Variants in PPARGC1A observed in about 807,000 individuals in gnomAD.
The protein encoded by PPARGC1A is PPARG coactivator 1 alpha, also known as peroxisome proliferator-activated receptor gamma coactivator 1-alpha.
PPARGC1A carries 25 observed loss-of-function variants against 88.7 expected under a neutral mutation model. That is an observed-to-expected ratio of 0.28 (90% CI 0.21 to 0.39). The LOEUF is 0.39. PPARGC1A is among the 10% of genes least tolerant of loss of function. The pLI, the probability that PPARGC1A is intolerant of heterozygous loss-of-function variation, is 1.00. For missense variants in PPARGC1A, 880 were observed against 968.7 expected (o/e 0.91, Z 1.22); for synonymous variants, 363 against 355.6 (o/e 1.02, Z -0.24).
chr4:24,445,048 GTC>G, the PPARGC1A span, among the ~76,000 whole-genome samples: 2 of 151,618 alleles, frequency 1.3e-5, no homozygotes, highest in African/African-American at 4.8e-5. Context: ...GCAAGACCCT[GTC>G]TCAAAAAAAA....
At chr4:24,454,855 C>A in the PPARGC1A span, among the ~76,000 whole-genome samples, 1 of 151,722 alleles carries the variant, frequency 6.6e-6, no homozygotes, top group Admixed American at 6.6e-5. Context: ...AAATACAAAT[C>A]TGAAAGATAG....
At chr4:23,916,134 C>A in the PPARGC1A span, among the ~76,000 whole-genome samples, 1 of 152,134 alleles carries the variant, frequency 6.6e-6, no homozygotes, top group East Asian at 1.9e-4. Context: ...AGTAAATCAA[C>A]TATATAAGGC....
At chr4:24,203,855 A>T in the PPARGC1A span, among the ~76,000 whole-genome samples, 2 of 152,140 alleles carry the variant, frequency 1.3e-5, no homozygotes, top group Non-Finnish European at 2.9e-5. Flanking sequence ...AGTGGACTTG[A>T]CTCTATGCCT....
chr4:24,414,529 A>G, the PPARGC1A span, among the ~76,000 whole-genome samples: 1 of 152,242 alleles, frequency 6.6e-6, no homozygotes, highest in South Asian at 2.1e-4. Context: ...AAATTATATG[A>G]TCACCCTAGT....
the PPARGC1A span, among the ~76,000 whole-genome samples, chr4:24,366,780 C>G: frequency 6.6e-6 from 1 of 152,154 alleles, no homozygotes; most frequent in East Asian, 1.9e-4. Context: ...CTAACACGGG[C>G]AGCCCTTCTT....
the PPARGC1A span, among the ~76,000 whole-genome samples, chr4:24,078,869 T>G: frequency 6.6e-6 from 1 of 152,238 alleles, no homozygotes; most frequent in African/African-American, 2.4e-5. Context: ...TTGTAGGATT[T>G]CAGGTACCAT....
chr4:24,344,058 C>A, the PPARGC1A span, among the ~76,000 whole-genome samples: 1 of 151,990 alleles, frequency 6.6e-6, no homozygotes, highest in African/African-American at 2.4e-5. Context: ...CAGGTCGCTG[C>A]AAATGCTGTT....
chr4:24,451,778 A>G, the PPARGC1A span, among the ~76,000 whole-genome samples: 1 of 152,128 alleles, frequency 6.6e-6, no homozygotes, highest in South Asian at 2.1e-4. Flanking sequence ...GGGTTTCACC[A>G]CGTTGGCCAG....
chr4:24,066,481 G>A, the PPARGC1A span, among the ~76,000 whole-genome samples: 54 of 152,272 alleles, frequency 3.5e-4, no homozygotes, highest in Admixed American at 7.8e-4. Flanking sequence ...TCCAAAGCCT[G>A]TTAATGCAGC....
At chr4:23,929,982 A>G in the PPARGC1A span, among the ~76,000 whole-genome samples, 6 of 152,138 alleles carry the variant, frequency 3.9e-5, no homozygotes, top group Admixed American at 6.5e-5. Context: ...TCCTCAAAAC[A>G]TGGCTGATAT....
the PPARGC1A span, among the ~76,000 whole-genome samples, chr4:24,087,214 G>A: frequency 8.3e-3 from 1,263 of 152,258 alleles, 22 homozygotes; most frequent in African/African-American, 0.028. Context: ...TGGAACTTGG[G>A]CCAATCTCTT....
chr4:23,820,730 C>G lies in PPARGC1A; in HGVS notation c.877+3550G>C, dbSNP rs139776597. On this transcript the variant is annotated intron_variant, in intron 7 of 12. Transcript: ENST00000264867. ...GACCAGCTGGCAATACCTAATAAAG[C>G]AAACTTCCTATCTCATCCCTCCTGT... 9.1e-4 allele frequency: 263 copies of G among 288,844 alleles called. 1 individual carries two copies. The highest frequency in any genetic ancestry group is 5.4e-3 in the African/African-American group (243 of 44,610). The allele number at this position is 288,844 out of a possible 1,614,324, so 17.9% of individuals were successfully genotyped here.
chr4:23,947,650 CTCTGTT>C, the PPARGC1A span, among the ~76,000 whole-genome samples: 1 of 151,992 alleles, frequency 6.6e-6, no homozygotes, highest in Non-Finnish European at 1.5e-5. Context: ...GACGTGGCCC[CTCTGTT>C]TCACAGCCGT....
chr4:24,262,440 A>G, the PPARGC1A span, among the ~76,000 whole-genome samples: 1 of 152,196 alleles, frequency 6.6e-6, no homozygotes, highest in Non-Finnish European at 1.5e-5. Context: ...TACCCACCAC[A>G]CACAAGGAGT....
the PPARGC1A span, among the ~76,000 whole-genome samples, chr4:23,974,324 G>A: frequency 5.3e-5 from 8 of 152,030 alleles, no homozygotes; most frequent in African/African-American, 9.7e-5. Context: ...CAATAATACC[G>A]ACCATAACAA....
At chr4:23,979,633 C>G in the PPARGC1A span, among the ~76,000 whole-genome samples, 1 of 152,176 alleles carries the variant, frequency 6.6e-6, no homozygotes, top group Non-Finnish European at 1.5e-5. Context: ...GACAGCAGAG[C>G]AACTTAAAAC....
At chr4:23,943,225 G>A in the PPARGC1A span, among the ~76,000 whole-genome samples, 4 of 152,008 alleles carry the variant, frequency 2.6e-5, no homozygotes, top group Non-Finnish European at 5.9e-5. Flanking sequence ...TCTTTTAAGG[G>A]TATGCCCACT....
At chr4:24,287,194 C>A in the PPARGC1A span, among the ~76,000 whole-genome samples, 1 of 140,478 alleles carries the variant, frequency 7.1e-6, no homozygotes, top group Non-Finnish European at 1.6e-5. Flanking sequence ...CCACCACCAG[C>A]CCCAGTTGTG....
At chr4:24,237,404 A>G in the PPARGC1A span, among the ~76,000 whole-genome samples, 3 of 152,052 alleles carry the variant, frequency 2.0e-5, no homozygotes, top group African/African-American at 7.2e-5. Context: ...TTGTACTTAT[A>G]TTTCTCATAT....
Sources: gnomAD v4.1 joint callset for allele counts (sites outside exome capture counted in the v4.1 genomes callset) on GRCh38, gnomAD v4.1.1 for gene constraint, MANE v1.5 for transcripts, NCBI Gene and HGNC (gene_info 2026-07-23, HGNC 2026-07-21) for gene names.